AGMO: variants seen among roughly 807,000 people sequenced by gnomAD.
AGMO encodes the protein alkylglycerol monooxygenase.
In AGMO, 75 loss-of-function variants were observed where a neutral mutation model predicts 60.2. The ratio of observed to expected loss-of-function variants is 1.25; its 90% CI spans 1.03 to 1.51. The LOEUF (loss-of-function observed/expected upper bound fraction) is 1.51, where lower values mean the gene tolerates loss of function less well. Among genes scored for constraint, AGMO ranks in the 40% most tolerant of loss-of-function variants. The probability of loss-of-function intolerance (pLI) is 0.00; values close to 1 mark genes in which losing one functional copy is unlikely to be tolerated. For missense variants in AGMO, 763 were observed against 525.5 expected, an observed-to-expected ratio of 1.45 and a Z score of -4.42; for synonymous variants, 261 against 177.1, an observed-to-expected ratio of 1.47 and a Z score of -3.76.
intron 12 of AGMO, among the ~76,000 whole-genome samples, chr7:15,266,591 T>G (rs567066544): frequency 3.3e-5 from 5 of 151,938 alleles, no homozygotes; most frequent in Non-Finnish European, 5.9e-5. Context: ...TTTCAGCTGC[T>G]TTCTCGGGTG....
At chr7:15,307,096 T>C (rs1303144570) in intron 12 of AGMO, among the ~76,000 whole-genome samples, 2 of 152,054 alleles carry the variant, frequency 1.3e-5, no homozygotes, top group African/African-American at 2.4e-5. Flanking sequence ...CCATCACTAA[T>C]AGGACAAATC....
At chr7:15,354,562 A>T (rs1222400405) in intron 12 of AGMO, among the ~76,000 whole-genome samples, 1 of 127,534 alleles carries the variant, frequency 7.8e-6, no homozygotes, top group East Asian at 2.5e-4. Context: ...AGGACCTGCA[A>T]CAGTAAACAT....
chr7:15,339,248 C>A (rs1039473608), intron 12 of AGMO, among the ~76,000 whole-genome samples: 4 of 152,108 alleles, frequency 2.6e-5, no homozygotes, highest in Admixed American at 2.6e-4. Flanking sequence ...TCTACAGGGC[C>A]AGAATTCACC....
At chr7:15,146,143 G>A in the AGMO span, among the ~76,000 whole-genome samples, 1 of 151,818 alleles carries the variant, frequency 6.6e-6, no homozygotes, top group Non-Finnish European at 1.5e-5. Flanking sequence ...ATAACCACAT[G>A]GTTAATTCTA....
intron 3 of AGMO, among the ~76,000 whole-genome samples, chr7:15,520,323 G>C (rs1426618517): frequency 6.6e-6 from 1 of 152,192 alleles, no homozygotes; most frequent in Non-Finnish European, 1.5e-5. Context: ...TTCAGGTTGT[G>C]AACTCAGCTC....
intron 3 of AGMO, among the ~76,000 whole-genome samples, chr7:15,493,498 C>G (rs574962375): frequency 1.4e-3 from 214 of 150,466 alleles, no homozygotes; most frequent in African/African-American, 4.9e-3. Flanking sequence ...CTCAGCCTCC[C>G]GCGTAGCTGG....
At chr7:15,187,962 C>G in the AGMO span, among the ~76,000 whole-genome samples, 1 of 152,110 alleles carries the variant, frequency 6.6e-6, no homozygotes, top group Non-Finnish European at 1.5e-5. Flanking sequence ...TAAATCTTAA[C>G]AGTGCTCAAC....
At chr7:15,223,613 T>A (rs900733634) in intron 12 of AGMO, among the ~76,000 whole-genome samples, 2 of 151,966 alleles carry the variant, frequency 1.3e-5, no homozygotes, top group Admixed American at 6.6e-5. Flanking sequence ...AGAATTTACA[T>A]GTTTACATAT....
At chr7:15,302,294 A>G (rs1347136887) in intron 12 of AGMO, among the ~76,000 whole-genome samples, 1 of 152,162 alleles carries the variant, frequency 6.6e-6, no homozygotes, top group African/African-American at 2.4e-5. Flanking sequence ...CATCATGAGA[A>G]ATTTGATTTT....
chr7:15,336,492 T>C (rs1024401155), intron 12 of AGMO, among the ~76,000 whole-genome samples: 5 of 152,056 alleles, frequency 3.3e-5, no homozygotes, highest in African/African-American at 1.2e-4. Flanking sequence ...AATCCCAAAA[T>C]CAATCTTACT....
chr7:15,516,376 T>C (rs1235987412), intron 3 of AGMO, among the ~76,000 whole-genome samples: 1 of 152,230 alleles, frequency 6.6e-6, no homozygotes, highest in Non-Finnish European at 1.5e-5. Flanking sequence ...CATCTACATA[T>C]TACAAATGAT....
intron 5 of AGMO, among the ~76,000 whole-genome samples, chr7:15,405,384 G>A (rs2128490747): frequency 6.6e-6 from 1 of 151,996 alleles, no homozygotes; most frequent in African/African-American, 2.4e-5. Flanking sequence ...CTATGTTCAT[G>A]ATGCTCAAAA....
chr7:15,423,996 A>T (rs1780993705), intron 4 of AGMO, among the ~76,000 whole-genome samples: 3 of 152,140 alleles, frequency 2.0e-5, no homozygotes, highest in Non-Finnish European at 4.4e-5. Context: ...TTATTCCTAA[A>T]ATGTATTATA....
chr7:15,547,764 T>G (rs1213521504), intron 2 of AGMO, among the ~76,000 whole-genome samples: 7 of 151,842 alleles, frequency 4.6e-5, no homozygotes, highest in Non-Finnish European at 7.4e-5. Context: ...TGCCCGGGCT[T>G]GATTAGGTAA....
intron 12 of AGMO, among the ~76,000 whole-genome samples, chr7:15,223,272 A>G (rs908399638): frequency 6.6e-6 from 1 of 151,940 alleles, no homozygotes; most frequent in Admixed American, 6.6e-5. Context: ...TAGTATTAAC[A>G]CTATAGGTTA....
At chr7:15,388,787 G>C (rs1053461458) in intron 8 of AGMO, among the ~76,000 whole-genome samples, 1 of 152,138 alleles carries the variant, frequency 6.6e-6, no homozygotes, top group African/African-American at 2.4e-5. Context: ...GAAAATAAGT[G>C]AATATTTTTC....
chr7:15,220,189 T>G (rs909949960), intron 12 of AGMO, among the ~76,000 whole-genome samples: 2 of 151,640 alleles, frequency 1.3e-5, no homozygotes, highest in Non-Finnish European at 2.9e-5. Context: ...GAACATCTTA[T>G]GTGTCCACCT....
the AGMO span, among the ~76,000 whole-genome samples, chr7:15,190,060 A>C: frequency 7.3e-6 from 1 of 137,292 alleles, no homozygotes; most frequent in South Asian, 2.4e-4. Flanking sequence ...CATGTACTCA[A>C]GATTTTTAAG....
intron 12 of AGMO, among the ~76,000 whole-genome samples, chr7:15,322,953 T>TAA (rs1448417474): frequency 1.0e-3 from 116 of 114,318 alleles, no homozygotes; most frequent in Admixed American, 4.3e-3. Flanking sequence ...TGCATATATA[T>TAA]ATAACACGTG....
Sources: allele counts gnomAD v4.1 joint callset (sites outside exome capture counted in the v4.1 genomes callset), GRCh38; gene constraint gnomAD v4.1.1; transcripts MANE v1.5; gene names NCBI Gene and HGNC (gene_info 2026-07-23, HGNC 2026-07-21).